ZMYND11: variants seen among roughly 807,000 people sequenced by gnomAD.
The protein encoded by ZMYND11 is zinc finger MYND domain-containing protein 11.
In ZMYND11, 9 loss-of-function variants were observed where a neutral mutation model predicts 84.9. The ratio of observed to expected loss-of-function variants is 0.11; its 90% CI spans 0.06 to 0.18. ZMYND11 has a LOEUF of 0.18. ZMYND11 is among the 10% of genes least tolerant of loss of function. The probability of loss-of-function intolerance (pLI) is 1.00; values close to 1 mark genes in which losing one functional copy is unlikely to be tolerated. For synonymous variants in ZMYND11, 250 were observed against 244.1 expected, an observed-to-expected ratio of 1.02 and a Z score of -0.23; for missense variants, 409 against 761.0, an observed-to-expected ratio of 0.54 and a Z score of 5.44.
rs550555051 is a variant in ZMYND11 at position 138,556 on chromosome 10, T to G, written c.-20+2997T>G. On this transcript the variant is annotated intron_variant, in intron 1 of 14. Coordinates refer to ENST00000381604, the MANE Select transcript of ZMYND11 (RefSeq NM_001370100.5). ...TGTATAATAGAGGCATTCATACTCT[T>G]TGGCATACCTTAATTGAGACACTAC... Among the ~76,000 whole-genome samples the G allele has an allele frequency of 7.0e-4, 106 of 152,356 alleles. 3 individuals carry two copies. The Middle Eastern group carries it at 0.014, about 20-fold the overall frequency.
At chr10:216,635 G>A (rs1050649895) in intron 3 of ZMYND11, among the ~76,000 whole-genome samples, 5 of 151,992 alleles carry the variant, frequency 3.3e-5, no homozygotes, top group Non-Finnish European at 5.9e-5. Context: ...GTGAATTATC[G>A]GTGATTATTA....
At chr10:248,667 G>T (rs1952704896) in intron 13 of ZMYND11, 59 bp downstream of exon 13, 2 of 1,532,432 alleles carry the variant, frequency 1.3e-6, no homozygotes, top group Non-Finnish European at 1.7e-6. Context: ...TCATGGTTAG[G>T]CTCCTTTCAC....
chr10:223,062 C>T (rs1406811606), intron 4 of ZMYND11, among the ~76,000 whole-genome samples: 2 of 147,970 alleles, frequency 1.4e-5, no homozygotes, highest in Non-Finnish European at 3.0e-5. Flanking sequence ...CTGAGTCTCT[C>T]TCTGTCATCC....
intron 12 of ZMYND11, among the ~76,000 whole-genome samples, chr10:248,034 TTA>T: frequency 6.6e-6 from 1 of 152,208 alleles, no homozygotes; most frequent in South Asian, 2.1e-4. Context: ...ATTTCTGTGT[TTA>T]GTTTATTTTA....
chr10:152,234 AT>A, intron 1 of ZMYND11, among the ~76,000 whole-genome samples: 1 of 152,342 alleles, frequency 6.6e-6, no homozygotes, highest in East Asian at 1.9e-4. Flanking sequence ...TTAAGTGTAA[AT>A]GGGCTAAATG....
chr10:150,872 C>G (rs1840168378), intron 1 of ZMYND11, among the ~76,000 whole-genome samples: 1 of 152,202 alleles, frequency 6.6e-6, no homozygotes, highest in South Asian at 2.1e-4. Context: ...GCTGGGTACC[C>G]CTCTAAGACA....
intron 1 of ZMYND11, among the ~76,000 whole-genome samples, chr10:146,807 C>G (rs1838977619): frequency 1.3e-5 from 2 of 152,208 alleles, no homozygotes; most frequent in Admixed American, 1.3e-4. Context: ...CCATGCTGTT[C>G]TCATCATAGT....
At chr10:187,451 G>A (rs895836977) in intron 2 of ZMYND11, among the ~76,000 whole-genome samples, 7 of 151,856 alleles carry the variant, frequency 4.6e-5, no homozygotes, top group Non-Finnish European at 7.4e-5. Flanking sequence ...TGGCTAACAC[G>A]GTGAAACCCC....
intron 4 of ZMYND11, among the ~76,000 whole-genome samples, chr10:234,258 C>T (rs138394509): frequency 5.6e-4 from 86 of 152,356 alleles, no homozygotes; most frequent in Non-Finnish European, 9.1e-4. Context: ...ATGCAGCGCA[C>T]GGCGCCTTGA....
chr10:165,013 T>C (rs1843667948), intron 1 of ZMYND11, among the ~76,000 whole-genome samples: 1 of 152,128 alleles, frequency 6.6e-6, no homozygotes. Context: ...TAGACCTTCA[T>C]GTGACCTCTC....
chr10:137,625 G>A (rs1554752603), intron 1 of ZMYND11, among the ~76,000 whole-genome samples: 1 of 152,132 alleles, frequency 6.6e-6, no homozygotes, highest in African/African-American at 2.4e-5. Context: ...AAGTTGAAAA[G>A]TTAGAGTGCT....
At chr10:164,615 C>A (rs782507089) in intron 1 of ZMYND11, among the ~76,000 whole-genome samples, 21 of 152,120 alleles carry the variant, frequency 1.4e-4, no homozygotes, top group African/African-American at 4.6e-4. Context: ...GTATAAATCC[C>A]GTTTACTCAG....
chr10:168,007 A>AT (rs1844410640), intron 1 of ZMYND11, among the ~76,000 whole-genome samples: 1 of 152,058 alleles, frequency 6.6e-6, no homozygotes, highest in Admixed American at 6.6e-5. Context: ...CCAACAACTA[A>AT]TTTTTTAACA....
At chr10:142,072 CATG>C (rs1554754116) in intron 1 of ZMYND11, among the ~76,000 whole-genome samples, 2 of 152,216 alleles carry the variant, frequency 1.3e-5, no homozygotes, top group Non-Finnish European at 2.9e-5. Flanking sequence ...TGGGTTTAAT[CATG>C]AGAGTTGTTT....
chr10:137,177 A>G (rs577839393), intron 1 of ZMYND11, among the ~76,000 whole-genome samples: 2 of 152,172 alleles, frequency 1.3e-5, no homozygotes, highest in East Asian at 1.9e-4. Flanking sequence ...ACCGAGTGTC[A>G]TATGTACTGT....
Position 191,501 on chromosome 10 carries a change from C to A in ZMYND11, c.116+11373C>A, listed in dbSNP as rs565765330. On this transcript the variant is annotated intron_variant, in intron 2 of 14. Transcript: ENST00000381604. ...AGGGTAAATTATTTATCCCAGGTCA[C>A]GTGTTGGAATTGGGAAGAACCAAGT... Among the ~76,000 whole-genome samples, 6 of 152,234 alleles carry A rather than the reference C, an allele frequency of 3.9e-5. No individual in the cohort carries two copies. In the East Asian group the frequency reaches 9.7e-4, roughly 24 times the overall value.
At chr10:217,762 T>G (rs889502984) in intron 3 of ZMYND11, among the ~76,000 whole-genome samples, 6 of 152,140 alleles carry the variant, frequency 3.9e-5, no homozygotes, top group African/African-American at 1.4e-4. Flanking sequence ...CCGTGTAGAC[T>G]GCGTACTATC....
At chr10:241,462 G>A (rs974065116) in intron 9 of ZMYND11, among the ~76,000 whole-genome samples, 4 of 152,200 alleles carry the variant, frequency 2.6e-5, no homozygotes, top group African/African-American at 9.7e-5. Context: ...ACAGGCATGA[G>A]CCACCACACC....
chr10:156,583 T>G (rs1588506256), intron 1 of ZMYND11, among the ~76,000 whole-genome samples: 2 of 152,310 alleles, frequency 1.3e-5, no homozygotes, highest in Non-Finnish European at 2.9e-5. Flanking sequence ...GCTTTAAAGT[T>G]CTAATCACAA....
Sources: allele counts gnomAD v4.1 joint callset (sites outside exome capture counted in the v4.1 genomes callset), GRCh38; gene constraint gnomAD v4.1.1; transcripts MANE v1.5; gene names NCBI Gene and HGNC (gene_info 2026-07-23, HGNC 2026-07-21).